PTPRD: variants seen among roughly 807,000 people sequenced by gnomAD.
PTPRD encodes protein tyrosine phosphatase receptor type D, also known as receptor-type tyrosine-protein phosphatase delta.
In PTPRD, 34 loss-of-function variants were observed where a neutral mutation model predicts 214.5. The observed-to-expected ratio is 0.16, with a 90% CI of 0.12 to 0.21. The LOEUF (loss-of-function observed/expected upper bound fraction) is 0.21. Among genes scored for constraint, PTPRD ranks in the 10% least tolerant of loss-of-function variants. The probability of loss-of-function intolerance (pLI) is 1.00; values close to 1 mark genes in which losing one functional copy is unlikely to be tolerated. For missense variants in PTPRD, 2,545 were observed against 2,398.7 expected (o/e 1.06, Z -1.27); for synonymous variants, 1,128 against 845.7 (o/e 1.33, Z -5.79).
chr9:10,391,282 T>C (rs559442211), intron 2 of PTPRD, among the ~76,000 whole-genome samples: 15 of 151,950 alleles, frequency 9.9e-5, no homozygotes, highest in African/African-American at 2.9e-4. Context: ...ATTATTTTTG[T>C]GGTTTGGACA....
intron 5 of PTPRD, among the ~76,000 whole-genome samples, chr9:9,859,214 C>A (rs10122309): frequency 6.6e-6 from 1 of 152,098 alleles, no homozygotes; most frequent in Non-Finnish European, 1.5e-5. Context: ...TGATGCTTCC[C>A]CAGCCATGTA....
chr9:9,950,846 A>G (rs1182828414), intron 4 of PTPRD, among the ~76,000 whole-genome samples: 1 of 151,014 alleles, frequency 6.6e-6, no homozygotes, highest in African/African-American at 2.4e-5. Flanking sequence ...TCCTTCCCTC[A>G]TTCCTATTAC....
At position 9,715,052 on chromosome 9, in the gene PTPRD, T is replaced by C. The variant is rs192067769; in HGVS notation, c.-287+19481A>G. ...TTTCTTACAGAATTTAGCTGTGGTT[T>C]CGTAGAGAAGAAATTAGAAGACCTG... is the stretch of plus-strand genomic sequence containing the variant. On this transcript the variant is annotated intron_variant, in intron 7 of 45. Transcript: ENST00000381196. Among the ~76,000 whole-genome samples, 268 of 152,342 alleles carry C rather than the reference T, an allele frequency of 1.8e-3. 1 individual carries two copies. The highest frequency in any genetic ancestry group is 6.2e-3 in the African/African-American group (259 of 41,572).
intron 4 of PTPRD, among the ~76,000 whole-genome samples, chr9:10,017,537 C>A (rs759664206): frequency 6.6e-6 from 1 of 151,968 alleles, no homozygotes; most frequent in Non-Finnish European, 1.5e-5. Flanking sequence ...TTTTATTTTT[C>A]ATGTTCCTCA....
chr9:9,105,646 A>G (rs1454665657), intron 10 of PTPRD, among the ~76,000 whole-genome samples: 5 of 152,194 alleles, frequency 3.3e-5, no homozygotes, highest in African/African-American at 1.2e-4. Flanking sequence ...AGAATTTCCC[A>G]TGGCACAAAA....
At chr9:9,551,407 C>T (rs960895971) in intron 8 of PTPRD, among the ~76,000 whole-genome samples, 2 of 151,868 alleles carry the variant, frequency 1.3e-5, no homozygotes, top group African/African-American at 4.8e-5. Flanking sequence ...AGTGGTAGTA[C>T]TAGGCAACAT....
chr9:8,891,542 G>A (rs561570130), intron 11 of PTPRD, among the ~76,000 whole-genome samples: 35 of 151,854 alleles, frequency 2.3e-4, no homozygotes, highest in African/African-American at 8.0e-4. Flanking sequence ...ATATGCACAA[G>A]TTAGCAGCGT....
chr9:9,734,266 C>T (rs1472321545), intron 7 of PTPRD, among the ~76,000 whole-genome samples: 2 of 152,058 alleles, frequency 1.3e-5, no homozygotes, highest in South Asian at 2.1e-4. Context: ...ATTTAATTTC[C>T]TTAAGAAACA....
In PTPRD at chr9:8,376,630, C is replaced by T. The variant is rs143393731; in HGVS notation, c.4483G>A (p.Val1495Ile). The change falls in exon 38 of 46, where the codon GTT becomes ATT. Residue 1495 changes from valine (V) to isoleucine (I), a missense_variant. Transcript: ENST00000381196. Reference sequence around the variant, plus strand: ...ACCTTGTAAAGTGCAAATGTTCGAACACAATATGTGGCCAGCTCCACAGTA... The same window carrying T: ...ACCTTGTAAAGTGCAAATGTTCGAATACAATATGTGGCCAGCTCCACAGTA... ...LDTVELATYC[V>I]RTFALYKNGS... 4.3e-5 allele frequency: 70 copies of T among 1,612,970 alleles called. No homozygotes were observed. In the Admixed American group the frequency reaches 6.7e-4, roughly 15 times the overall value.
chr9:8,482,306 C>G (rs185212804), intron 30 of PTPRD, among the ~76,000 whole-genome samples: 2 of 152,126 alleles, frequency 1.3e-5, no homozygotes, highest in African/African-American at 4.8e-5. Context: ...TACTACTACT[C>G]TAGTGTAACT....
intron 12 of PTPRD, among the ~76,000 whole-genome samples, chr9:8,681,882 A>G (rs985583895): frequency 6.6e-6 from 1 of 152,198 alleles, no homozygotes; most frequent in Non-Finnish European, 1.5e-5. Flanking sequence ...TGTTTTCATT[A>G]TTACATTCTT....
chr9:8,535,681 A>C (rs973970442), intron 14 of PTPRD, among the ~76,000 whole-genome samples: 2 of 151,912 alleles, frequency 1.3e-5, no homozygotes, highest in Non-Finnish European at 1.5e-5. Context: ...TTCTTAAAGA[A>C]AATAGTTTTT....
chr9:9,962,951 G>A (rs1473913953), intron 4 of PTPRD, among the ~76,000 whole-genome samples: 3 of 151,984 alleles, frequency 2.0e-5, no homozygotes, highest in Admixed American at 2.0e-4. Flanking sequence ...GGAGTCTGCT[G>A]TGGCCATAAA....
At chr9:9,650,795 C>T (rs1248565466) in intron 7 of PTPRD, among the ~76,000 whole-genome samples, 1 of 151,900 alleles carries the variant, frequency 6.6e-6, no homozygotes, top group African/African-American at 2.4e-5. Flanking sequence ...AAAAAATCTT[C>T]AGTATGTCAT....
At chr9:8,963,866 G>C (rs1220618010) in intron 11 of PTPRD, among the ~76,000 whole-genome samples, 1 of 152,008 alleles carries the variant, frequency 6.6e-6, no homozygotes, top group Non-Finnish European at 1.5e-5. Flanking sequence ...CTCCTGCCTC[G>C]GTCTTCCAAA....
chr9:9,899,857 G>A (rs1177211011), intron 5 of PTPRD, among the ~76,000 whole-genome samples: 2 of 152,022 alleles, frequency 1.3e-5, no homozygotes, highest in Non-Finnish European at 2.9e-5. Context: ...TGGAACACTA[G>A]TCTTAAGAAA....
chr9:9,911,360 A>C (rs1182004557), intron 5 of PTPRD, among the ~76,000 whole-genome samples: 1 of 152,022 alleles, frequency 6.6e-6, no homozygotes. Context: ...ACACTTCCAA[A>C]CTTGTTTGAA....
chr9:10,171,729 T>A (rs181656318), intron 3 of PTPRD, among the ~76,000 whole-genome samples: 3,196 of 152,208 alleles, frequency 0.021, 76 homozygotes, highest in African/African-American at 0.054. Context: ...TTCACTGTGT[T>A]AACCAGGATG....
chr9:9,771,737 G>T (rs919818112), intron 5 of PTPRD, among the ~76,000 whole-genome samples: 2 of 152,070 alleles, frequency 1.3e-5, no homozygotes, highest in African/African-American at 4.8e-5. Flanking sequence ...GTATTCCAAA[G>T]AAAGATGCTC....
Sources: allele counts gnomAD v4.1 joint callset (sites outside exome capture counted in the v4.1 genomes callset), GRCh38; gene constraint gnomAD v4.1.1; transcripts MANE v1.5; gene names NCBI Gene and HGNC (gene_info 2026-07-23, HGNC 2026-07-21).